The following HTR1F variants were observed in gnomAD, a reference collection of about 807,000 sequenced individuals.
HTR1F encodes the protein 5-hydroxytryptamine receptor 1F, also known as 5-hydroxytryptamine (serotonin) receptor 1F, G protein-coupled.
HTR1F carries 17 observed loss-of-function variants against 24.0 expected under a neutral mutation model. The ratio of observed to expected loss-of-function variants is 0.71; its 90% confidence interval spans 0.48 to 1.06. The LOEUF (loss-of-function observed/expected upper bound fraction) is 1.06, where lower values mean the gene tolerates loss of function less well. Ranked by LOEUF, HTR1F falls within the 50% of genes least tolerant of loss-of-function variation. The pLI is 0.00. For missense variants in HTR1F, 391 were observed against 427.8 expected (o/e 0.91, Z 0.76); for synonymous variants, 186 against 156.8 (o/e 1.19, Z -1.39).
intron 2 of HTR1F, among the ~76,000 whole-genome samples, chr3:87,829,703 A>T (rs982719545): frequency 7.2e-5 from 11 of 152,250 alleles, no homozygotes; most frequent in Non-Finnish European, 2.9e-5. Flanking sequence ...TGCAAAACAC[A>T]CTTTTATGCT....
At position 87,993,710 on chromosome 3, in the gene HTR1F, G is replaced by A. The variant is rs1178476383; in HGVS notation, c.*1860G>A. The A allele has an allele frequency of 1.8e-5, 3 of 166,932 alleles. No homozygotes were observed. Among genetic ancestry groups the A allele is most frequent in the Non-Finnish European group, 4.4e-5 (3 of 68,090 alleles). The allele number at this position is 166,932 out of a possible 1,614,324, so 10.3% of individuals were successfully genotyped here. A position where few individuals can be genotyped will look rare whatever the true frequency, so the allele number is the denominator to read the frequency against. On this transcript the variant is annotated 3_prime_UTR_variant, in exon 3 of 3. Coordinates refer to ENST00000319595, the MANE Select transcript of HTR1F (RefSeq NM_001322209.2). Reference sequence around the variant, plus strand: ...GGAAAAGGATATTAAAAGAAAAATTGGGCATTTTTGTGGCTGACTTTGAAC... The same window carrying A: ...GGAAAAGGATATTAAAAGAAAAATTAGGCATTTTTGTGGCTGACTTTGAAC...
chr3:87,863,717 C>T lies in HTR1F; in HGVS notation c.-43+41593C>T, dbSNP rs146397810. On this transcript the variant is annotated intron_variant, in intron 2 of 2. Transcript: ENST00000319595. Reference sequence around the variant, plus strand: ...TTCATATATTGCCCAATTCCAAGGCCACTTCTACACTTTAGGTATTTGTAA... The same window carrying T: ...TTCATATATTGCCCAATTCCAAGGCTACTTCTACACTTTAGGTATTTGTAA... Among the ~76,000 whole-genome samples, 31 of 152,244 alleles carry T rather than the reference C, an allele frequency of 2.0e-4. 2 individuals are homozygous for T. Among genetic ancestry groups the T allele is most frequent in the African/African-American group, 6.5e-4 (27 of 41,516 alleles).
chr3:87,808,914 T>A (rs961952249), intron 1 of HTR1F, among the ~76,000 whole-genome samples: 6 of 151,762 alleles, frequency 4.0e-5, no homozygotes, highest in African/African-American at 1.4e-4. Context: ...GTTTACAAAG[T>A]TTCTCTTTTT....
chr3:87,872,387 C>T (rs944525601), intron 2 of HTR1F, among the ~76,000 whole-genome samples: 8 of 151,788 alleles, frequency 5.3e-5, no homozygotes, highest in African/African-American at 1.7e-4. Context: ...TAAGAACAAA[C>T]TAAACTCACA....
At chr3:87,847,699 G>A (rs1267689898) in intron 2 of HTR1F, among the ~76,000 whole-genome samples, 5 of 150,966 alleles carry the variant, frequency 3.3e-5, no homozygotes, top group African/African-American at 4.9e-5. Flanking sequence ...TCTTGCCCTC[G>A]CCCACCCTTC....
intron 2 of HTR1F, among the ~76,000 whole-genome samples, chr3:87,916,510 T>C (rs1348235269): frequency 1.3e-5 from 2 of 152,012 alleles, no homozygotes; most frequent in East Asian, 3.9e-4. Flanking sequence ...AAGACTCACA[T>C]AATCTTAAAG....
chr3:87,991,573 A>G lies in HTR1F; in HGVS notation c.824A>G (p.Glu275Gly). The change falls in exon 3 of 3, where the codon GAG (glutamate) becomes GGG (glycine). Residue 275 changes from glutamate (E) to glycine (G), a missense_variant. Physicochemically the swap from Glu to Gly is moderately conservative, Grantham distance 98. Coordinates refer to ENST00000319595, the MANE Select transcript of HTR1F (RefSeq NM_001322209.2). ...VRSLRSEFKH[E>G]KSWRRQKISG... ...AGTCTCAGGTCTGAATTCAAGCATG[A>G]GAAATCTTGGAGAAGGCAAAAGATC... 1 of 1,614,126 alleles carries G rather than the reference A, an allele frequency of 6.2e-7. No individual in the cohort carries two copies. The highest frequency in any genetic ancestry group is 1.7e-5 in the Admixed American group (1 of 60,004).
At chr3:87,943,575 G>A (rs77768058) in intron 2 of HTR1F, among the ~76,000 whole-genome samples, 976 of 121,320 alleles carry the variant, frequency 8.0e-3, no homozygotes, top group African/African-American at 0.015. Context: ...TATTAGTTGG[G>A]GAAGGAGTTG....
chr3:87,965,226 T>C (rs925126077), intron 2 of HTR1F, among the ~76,000 whole-genome samples: 1 of 152,204 alleles, frequency 6.6e-6, no homozygotes, highest in Admixed American at 6.6e-5. Context: ...TTATAAACAG[T>C]CATGCCCTTC....
intron 2 of HTR1F, among the ~76,000 whole-genome samples, chr3:87,892,750 C>G (rs1045662640): frequency 6.6e-6 from 1 of 151,774 alleles, no homozygotes; most frequent in African/African-American, 2.4e-5. Context: ...ATCGTGCGCC[C>G]TTTTGGGGCT....
intron 2 of HTR1F, among the ~76,000 whole-genome samples, chr3:87,929,096 A>G (rs979690617): frequency 6.6e-5 from 10 of 152,238 alleles, no homozygotes; most frequent in Non-Finnish European, 1.2e-4. Context: ...TGAGTAAGAA[A>G]TTAAGTCTAA....
chr3:87,917,288 C>T (rs1239076163), intron 2 of HTR1F, among the ~76,000 whole-genome samples: 1 of 150,894 alleles, frequency 6.6e-6, no homozygotes, highest in Non-Finnish European at 1.5e-5. Context: ...TCTAAGGTCA[C>T]ACCTCAAGAA....
chr3:87,800,475 T>G (rs906041869), intron 1 of HTR1F, among the ~76,000 whole-genome samples: 3 of 152,230 alleles, frequency 2.0e-5, no homozygotes, highest in Non-Finnish European at 2.9e-5. Flanking sequence ...TGCTAAAAAG[T>G]AATTCACTCC....
chr3:87,908,048 G>A (rs1369119100), intron 2 of HTR1F, among the ~76,000 whole-genome samples: 2 of 151,764 alleles, frequency 1.3e-5, no homozygotes, highest in Non-Finnish European at 2.9e-5. Flanking sequence ...ATCAGAATTT[G>A]GAAAAATACT....
chr3:87,926,725 T>A (rs981112200), intron 2 of HTR1F, among the ~76,000 whole-genome samples: 1 of 152,136 alleles, frequency 6.6e-6, no homozygotes, highest in Non-Finnish European at 1.5e-5. Flanking sequence ...ACTGGTAAGA[T>A]TTATTGTCAC....
At chr3:87,923,599 T>C (rs1704058600) in intron 2 of HTR1F, among the ~76,000 whole-genome samples, 1 of 152,054 alleles carries the variant, frequency 6.6e-6, no homozygotes, top group Non-Finnish European at 1.5e-5. Flanking sequence ...GCAATGTTAC[T>C]GATTTTTTCT....
chr3:87,892,980 AAT>A (rs1309943965), intron 2 of HTR1F, among the ~76,000 whole-genome samples: 5 of 152,028 alleles, frequency 3.3e-5, no homozygotes, highest in Admixed American at 2.6e-4. Flanking sequence ...AAAAGAAAAA[AAT>A]ATATATATGT....
intron 1 of HTR1F, among the ~76,000 whole-genome samples, chr3:87,809,225 G>T (rs1205003738): frequency 1.3e-5 from 2 of 151,626 alleles, no homozygotes; most frequent in Non-Finnish European, 3.0e-5. Context: ...TTTTTCCTCA[G>T]CAATATTGTT....
Position 87,991,010 on chromosome 3 carries a change from G to A in HTR1F, c.261G>A (p.Glu87=). The change falls in exon 3 of 3, where the codon GAG becomes GAA. Residue 87 remains glutamate, a synonymous_variant. Coordinates refer to ENST00000319595, the MANE Select transcript of HTR1F (RefSeq NM_001322209.2). ...TCAGCATTGTGTATATTGTGAGAGAGAGCTGGATTATGGGGCAAGTGGTCT... is the reference window on the plus strand; with the variant it reads ...TCAGCATTGTGTATATTGTGAGAGAAAGCTGGATTATGGGGCAAGTGGTCT... The part of the protein sequence containing the change: ...MPFSIVYIVR[E]SWIMGQVVCD... The A allele has an allele frequency of 6.2e-7, 1 of 1,614,148 alleles. No homozygotes were observed. The highest frequency in any genetic ancestry group is 8.5e-7 in the Non-Finnish European group (1 of 1,180,032).
Sources: allele counts gnomAD v4.1 joint callset (sites outside exome capture counted in the v4.1 genomes callset), GRCh38; gene constraint gnomAD v4.1.1; transcripts MANE v1.5; gene names NCBI Gene and HGNC (gene_info 2026-07-23, HGNC 2026-07-21).